PSTPIP2: variants seen among roughly 807,000 people sequenced by gnomAD.
PSTPIP2 encodes proline-serine-threonine phosphatase-interacting protein 2.
A neutral mutation model predicts 63.3 loss-of-function variants in PSTPIP2; 33 were observed. The ratio of observed to expected loss-of-function variants is 0.52; its 90% CI spans 0.40 to 0.70. PSTPIP2 has a LOEUF of 0.70. Among genes scored for constraint, PSTPIP2 ranks in the 30% least tolerant of loss-of-function variants. The pLI is 0.00. For synonymous variants in PSTPIP2, 125 were observed against 132.7 expected (o/e 0.94, Z 0.40); for missense variants, 312 against 400.7 (o/e 0.78, Z 1.89).
chr18:46,040,889 C>G (rs1908166951), intron 1 of PSTPIP2: 2 of 395,384 alleles, frequency 5.1e-6, no homozygotes, highest in African/African-American at 2.1e-5. Context: ...AGCCCAAATT[C>G]AGGCCAGGAG....
chr18:46,004,948 C>T (rs943338078), intron 6 of PSTPIP2, among the ~76,000 whole-genome samples: 9 of 152,164 alleles, frequency 5.9e-5, no homozygotes, highest in East Asian at 3.9e-4. Flanking sequence ...AGCAAAGACA[C>T]GGAATCAACC....
At chr18:46,024,861 T>A (rs937926118) in intron 2 of PSTPIP2, among the ~76,000 whole-genome samples, 175 bp from the exon 3 acceptor site, 1 of 152,190 alleles carries the variant, frequency 6.6e-6, no homozygotes, top group East Asian at 1.9e-4. Context: ...TGTAAAAAGA[T>A]CGATGGCCCT....
intron 2 of PSTPIP2, among the ~76,000 whole-genome samples, chr18:46,035,348 A>G (rs906670888): frequency 6.6e-6 from 1 of 150,926 alleles, no homozygotes; most frequent in Non-Finnish European, 1.5e-5. Context: ...TGAACCCGGG[A>G]GACGGAGGTT....
intron 3 of PSTPIP2, among the ~76,000 whole-genome samples, chr18:46,022,306 G>C (rs761702447): frequency 1.1e-4 from 16 of 149,712 alleles, no homozygotes; most frequent in Non-Finnish European, 2.2e-4. Flanking sequence ...TGTTGCATGT[G>C]TGCTTGTTTT....
chr18:46,065,589 C>T (rs530186061), intron 1 of PSTPIP2, among the ~76,000 whole-genome samples: 3 of 152,318 alleles, frequency 2.0e-5, no homozygotes, highest in Admixed American at 1.3e-4. Context: ...GCCTCAGCCT[C>T]CCGAGTCGCT....
rs536012639 is a variant in PSTPIP2 at position 45,984,355 on chromosome 18, C to T, written c.*1104G>A. 1 of 152,228 alleles carries T rather than the reference C, an allele frequency of 6.6e-6. No individual in the cohort carries two copies. Among genetic ancestry groups the T allele is most frequent in the East Asian group, 1.9e-4 (1 of 5,176 alleles). The allele number at this position is 152,228 out of a possible 1,614,324, so 9.4% of individuals were successfully genotyped here. ...GTGTTGTACAAAAAGTACATGACCTCCCTGCTGTTTGTGAGTGAAAAAGGA... is the reference window on the plus strand; with the variant it reads ...GTGTTGTACAAAAAGTACATGACCTTCCTGCTGTTTGTGAGTGAAAAAGGA... On this transcript the variant is annotated 3_prime_UTR_variant, in exon 15 of 15. Coordinates refer to ENST00000409746, the MANE Select transcript of PSTPIP2 (RefSeq NM_024430.4).
intron 1 of PSTPIP2, among the ~76,000 whole-genome samples, chr18:46,058,896 AGGCT>A (rs1908879490): frequency 6.6e-6 from 1 of 152,182 alleles, no homozygotes; most frequent in Non-Finnish European, 1.5e-5. Flanking sequence ...ACTGCCTGGG[AGGCT>A]GGTCCACTTC....
At chr18:45,998,942 C>A in intron 7 of PSTPIP2, 103 bp from the exon 8 acceptor site, 1 of 1,241,660 alleles carries the variant, frequency 8.1e-7, no homozygotes, top group Non-Finnish European at 1.2e-6. Context: ...ATGAAGAGAC[C>A]AGGTCTAGTG....
chr18:45,989,435 G>A (rs4081460), intron 13 of PSTPIP2, among the ~76,000 whole-genome samples: 28,609 of 151,970 alleles, frequency 0.19, 3,282 homozygotes, highest in East Asian at 0.41. Context: ...TTCACCTCCC[G>A]CCATGATTCT....
At chr18:46,042,434 C>G (rs1266365084) in intron 1 of PSTPIP2, among the ~76,000 whole-genome samples, 24 of 152,158 alleles carry the variant, frequency 1.6e-4, no homozygotes, top group Non-Finnish European at 2.9e-4. Context: ...TCTCCCTTCT[C>G]TAGGTTCTCA....
chr18:46,006,045 C>G (rs1026933961), intron 5 of PSTPIP2, among the ~76,000 whole-genome samples: 1 of 151,992 alleles, frequency 6.6e-6, no homozygotes, highest in African/African-American at 2.4e-5. Flanking sequence ...TGTTCTGTTA[C>G]TCTTTTATTC....
At chr18:46,039,758 T>C (rs1309545831) in intron 2 of PSTPIP2, among the ~76,000 whole-genome samples, 189 bp downstream of exon 2, 1 of 152,248 alleles carries the variant, frequency 6.6e-6, no homozygotes, top group Non-Finnish European at 1.5e-5. Flanking sequence ...ATAAATCTTA[T>C]GTGTCAAACT....
rs983718204 is a variant in PSTPIP2 at position 45,988,905 on chromosome 18, A to C, written c.956-146T>G. 6 of 671,842 alleles carry C rather than the reference A, an allele frequency of 8.9e-6. No individual in the cohort carries two copies. The African/African-American group carries it at 9.1e-5, about 10-fold the overall frequency. 41.6% of individuals were successfully genotyped at this position (671,842 alleles called of 1,614,324 possible). A position where few individuals can be genotyped will look rare whatever the true frequency, so the allele number is the denominator to read the frequency against. Reference sequence around the variant, plus strand: ...AATAGATCTGCCAACAAAAACTATAAATGGTAGTCACGACTCCAAACCAGA... The same window carrying C: ...AATAGATCTGCCAACAAAAACTATACATGGTAGTCACGACTCCAAACCAGA... On this transcript the variant is annotated intron_variant, in intron 13 of 14. Coordinates refer to ENST00000409746, the MANE Select transcript of PSTPIP2 (RefSeq NM_024430.4).
In PSTPIP2 at chr18:45,988,886, T is replaced by C. The variant is rs546281986; in HGVS notation, c.956-127A>G. On this transcript the variant is annotated intron_variant, in intron 13 of 14. Transcript: ENST00000409746. ...TATCCTTTTGTAAAGAGAAAATAGA[T>C]CTGCCAACAAAAACTATAAATGGTA... The C allele has an allele frequency of 3.5e-5, 26 of 742,242 alleles. No homozygotes were observed. In the East Asian group the frequency reaches 6.7e-4, roughly 19 times the overall value. The allele number at this position is 742,242 out of a possible 1,614,324, so 46.0% of individuals were successfully genotyped here. A position where few individuals can be genotyped will look rare whatever the true frequency, so the allele number is the denominator to read the frequency against.
At chr18:46,069,118 G>C (rs1909302250) in intron 1 of PSTPIP2, among the ~76,000 whole-genome samples, 1 of 152,140 alleles carries the variant, frequency 6.6e-6, no homozygotes, top group Non-Finnish European at 1.5e-5. Context: ...GGGACGATTT[G>C]GACCTCACAC....
chr18:46,036,255 CAATT>C (rs201508126), intron 2 of PSTPIP2, among the ~76,000 whole-genome samples: 2,006 of 151,572 alleles, frequency 0.013, 35 homozygotes, highest in Admixed American at 0.032. Flanking sequence ...ATTATTGTAA[CAATT>C]AATTGTTAAC....
intron 3 of PSTPIP2, 129 bp downstream of exon 3, chr18:46,024,480 T>C: frequency 1.4e-6 from 1 of 739,930 alleles, no homozygotes; most frequent in Non-Finnish European, 2.4e-6. Context: ...AATAGTGAGA[T>C]CCCATCTCCA....
At chr18:46,023,232 A>G (rs1907439696) in intron 3 of PSTPIP2, among the ~76,000 whole-genome samples, 2 of 152,192 alleles carry the variant, frequency 1.3e-5, no homozygotes, top group Non-Finnish European at 2.9e-5. Flanking sequence ...GTTTACCTAT[A>G]TAACAAACCT....
At chr18:46,026,192 C>T (rs952055396) in intron 2 of PSTPIP2, among the ~76,000 whole-genome samples, 1 of 152,222 alleles carries the variant, frequency 6.6e-6, no homozygotes, top group Non-Finnish European at 1.5e-5. Context: ...AAAAAGTGTA[C>T]AGGAGCTCCC....
Sources: gnomAD v4.1 joint callset for allele counts (sites outside exome capture counted in the v4.1 genomes callset) on GRCh38, gnomAD v4.1.1 for gene constraint, MANE v1.5 for transcripts, NCBI Gene and HGNC (gene_info 2026-07-23, HGNC 2026-07-21) for gene names.